ZNF627: variants seen among roughly 807,000 people sequenced by gnomAD.
The protein encoded by ZNF627 is zinc finger protein 627.
Under a neutral mutation model 10.6 loss-of-function variants are expected in ZNF627, and 12 were observed. The observed-to-expected ratio is 1.13, with a 90% CI of 0.73 to 1.84. The LOEUF (loss-of-function observed/expected upper bound fraction) is 1.84. Among genes scored for constraint, ZNF627 ranks in the 40% most tolerant of loss-of-function variants. The pLI, the probability that ZNF627 is intolerant of heterozygous loss-of-function variation, is 0.00. For missense variants in ZNF627, 504 were observed against 568.4 expected (o/e 0.89, Z 1.15); for synonymous variants, 176 against 187.1 (o/e 0.94, Z 0.48).
intron 3 of ZNF627, among the ~76,000 whole-genome samples, chr19:11,616,029 TTTTC>T (rs1277993695): frequency 6.0e-5 from 9 of 149,744 alleles, no homozygotes; most frequent in South Asian, 4.2e-4. Context: ...ATGAATATCA[TTTTC>T]TTTCTTTCTT....
Position 11,616,980 on chromosome 19 carries a change from G to GA in ZNF627, c.478dup (p.Thr160AsnfsTer9). 6.2e-7 allele frequency: 1 copy of GA among 1,614,144 alleles called. No homozygotes were observed. The highest frequency in any genetic ancestry group is 8.5e-7 in the Non-Finnish European group (1 of 1,180,040). On this transcript the variant is annotated frameshift_variant, in exon 4 of 4. Coordinates refer to ENST00000361113, the MANE Select transcript of ZNF627 (RefSeq NM_145295.4). LOFTEE classifies it low-confidence loss of function (END_TRUNC). ...ATCGCTCTTTTCCAGTACGTGAAAG[G>GA]ACTCATCCTGGAGGAAAGCCCTATG...
chr19:11,606,185 CA>C (rs1234321328), intron 1 of ZNF627, among the ~76,000 whole-genome samples: 1 of 151,712 alleles, frequency 6.6e-6, no homozygotes, highest in Admixed American at 6.6e-5. Flanking sequence ...ATTAAAAATA[CA>C]AAAAATTAGG....
In ZNF627 at chr19:11,617,589, C is replaced by A; in HGVS notation, c.1086C>A (p.Pro362=). 2 of 1,613,112 alleles carry A rather than the reference C, an allele frequency of 1.2e-6. No homozygotes were observed. The highest frequency in any genetic ancestry group is 8.5e-7 in the Non-Finnish European group (1 of 1,179,718). ...IHERTHTGEK[P]YDCKQCGKAF... is the part of the protein sequence containing the mutation. ...AAAGGACCCACACTGGAGAGAAACC[C>A]TATGATTGTAAGCAATGTGGGAAAG... Residue 362 remains proline (P), a synonymous_variant, in exon 4 of 4, where the codon CCC becomes CCA. Transcript: ENST00000361113.
chr19:11,601,354 G>A (rs116737849), intron 1 of ZNF627, among the ~76,000 whole-genome samples: 11 of 151,310 alleles, frequency 7.3e-5, no homozygotes, highest in South Asian at 2.1e-4. Flanking sequence ...TATTTTTTTT[G>A]TGTGTGACAG....
At chr19:11,604,737 A>G (rs1269213518) in intron 1 of ZNF627, among the ~76,000 whole-genome samples, 1 of 152,192 alleles carries the variant, frequency 6.6e-6, no homozygotes, top group Non-Finnish European at 1.5e-5. Context: ...TGTCAAGGAA[A>G]AGTTTATTAA....
chr19:11,615,396 C>T (rs934083640), intron 3 of ZNF627, among the ~76,000 whole-genome samples: 2 of 150,106 alleles, frequency 1.3e-5, no homozygotes, highest in African/African-American at 2.4e-5. Flanking sequence ...GTCAGGAGAT[C>T]GAGACCATCC....
In ZNF627 at chr19:11,609,499, A is replaced by T. The variant is rs1373065022; in HGVS notation, c.4-5028A>T. 1.7e-3 allele frequency among the ~76,000 whole-genome samples: 41 copies of T among 24,764 alleles called. 1 individual carries two copies. The highest frequency in any genetic ancestry group is 4.3e-4 in the African/African-American group (2 of 4,696). The allele number at this position is 24,764 out of a possible 152,430, so 16.2% of individuals were successfully genotyped here. A position where few individuals can be genotyped will look rare whatever the true frequency, so the allele number is the denominator to read the frequency against. On this transcript the variant is annotated intron_variant, in intron 1 of 3. Transcript: ENST00000361113. ...TATATATATATATATATATATATAT[A>T]TATATATATATATATATATGTATTT... is the stretch of plus-strand genomic sequence containing the variant.
chr19:11,597,756 G>A, intron 1 of ZNF627, 126 bp downstream of exon 1: 1 of 1,067,632 alleles, frequency 9.4e-7, no homozygotes. Context: ...GAGTTCCCTC[G>A]GCCGCAAGGT....
In ZNF627 at chr19:11,617,499, T is replaced by C. The variant is rs1973895870; in HGVS notation, c.996T>C (p.Asn332=). The C allele has an allele frequency of 6.2e-7, 1 of 1,613,708 alleles. No individual in the cohort carries two copies. The highest frequency in any genetic ancestry group is 8.5e-7 in the Non-Finnish European group (1 of 1,179,984). The part of the protein sequence containing the change: ...VRRHMIKHTG[N]GPYKCKVCGK... ...GACACATGATAAAGCACACTGGCAA[T>C]GGACCTTATAAATGTAAGGTGTGTG... Residue 332 remains asparagine, a synonymous_variant, in exon 4 of 4, where the codon AAT becomes AAC. Transcript: ENST00000361113.
chr19:11,604,546 C>T (rs1323607476), intron 1 of ZNF627, among the ~76,000 whole-genome samples: 1 of 152,160 alleles, frequency 6.6e-6, no homozygotes, highest in East Asian at 1.9e-4. Context: ...GGACACCCTC[C>T]CCCTCCATGG....
Position 11,617,535 on chromosome 19 carries a change from T to G in ZNF627, c.1032T>G (p.Phe344Leu), listed in dbSNP as rs1309739269. The G allele has an allele frequency of 1.2e-6, 2 of 1,613,192 alleles. No homozygotes were observed. Among genetic ancestry groups the G allele is most frequent in the East Asian group, 2.2e-5 (1 of 44,834 alleles). The change falls in exon 4 of 4, where the codon TTT becomes TTG. Residue 344 changes from phenylalanine to leucine, a missense_variant. Physicochemically the swap from Phe to Leu is conservative, Grantham distance 22 (BLOSUM62 0). Coordinates refer to ENST00000361113, the MANE Select transcript of ZNF627 (RefSeq NM_145295.4). ...AATGTAAGGTGTGTGGGAAAGCCTT[T>G]GATTTCCCCAGTTCATTTCGAATCC... is the stretch of plus-strand genomic sequence containing the variant. Reference protein sequence around the residue: ...PYKCKVCGKAFDFPSSFRIHE... With the variant: ...PYKCKVCGKALDFPSSFRIHE...
chr19:11,609,471 T>TTATTTATATATATATA (rs1973729371), intron 1 of ZNF627, among the ~76,000 whole-genome samples: 1 of 54,016 alleles, frequency 1.9e-5, no homozygotes, highest in Non-Finnish European at 5.1e-5. Context: ...TTAAAAAATT[T>TTATTTATATATATATA]TATATATATA....
intron 1 of ZNF627, chr19:11,604,258 C>G (rs1244215896): frequency 2.0e-5 from 3 of 152,084 alleles, no homozygotes; most frequent in Admixed American, 2.0e-4. Flanking sequence ...GAACGACTTG[C>G]AAATCCTGTG....
chr19:11,614,877 A>G lies in ZNF627; in HGVS notation c.181A>G (p.Arg61Gly). The change falls in exon 3 of 4, where the codon AGA becomes GGA. Residue 61 changes from arginine to glycine, a missense_variant. Physicochemically the swap from Arg to Gly is moderately radical, Grantham distance 125 (BLOSUM62 -2). Coordinates refer to ENST00000361113, the MANE Select transcript of ZNF627 (RefSeq NM_145295.4). ...NIEDPFKIPR[R>G]NISHIPERLC... is the part of the protein sequence containing the mutation. ...TGAAGACCCATTCAAAATTCCCAGG[A>G]GAAATATAAGGTAATTTGCACTCAC... The G allele has an allele frequency of 1.2e-6, 2 of 1,606,396 alleles. No individual in the cohort carries two copies. Among genetic ancestry groups the G allele is most frequent in the Non-Finnish European group, 1.7e-6 (2 of 1,177,474 alleles).
rs190840086 is a variant in ZNF627, at chr19:11,606,081, C to T, written c.4-8446C>T. ...CCTTGGCCAGGCGCGGTGGCTCACA[C>T]CTGTAATCCCAGCACTTTGGGAGGC... On this transcript the variant is annotated intron_variant, in intron 1 of 3. Coordinates refer to ENST00000361113, the MANE Select transcript of ZNF627 (RefSeq NM_145295.4). Among the ~76,000 whole-genome samples, 219 of 152,220 alleles carry T rather than the reference C, an allele frequency of 1.4e-3. 1 individual carries two copies. The highest frequency in any genetic ancestry group is 3.2e-3 in the Admixed American group (49 of 15,284).
intron 1 of ZNF627, 138 bp from the exon 2 acceptor site, chr19:11,614,389 G>A (rs1973830121): frequency 7.3e-7 from 1 of 1,370,316 alleles, no homozygotes; most frequent in Non-Finnish European, 1.0e-6. Flanking sequence ...TCTAGACAGA[G>A]GGTAAGTTTG....
rs201630792 is a variant in ZNF627, at chr19:11,614,778, T to A, written c.131-49T>A. On this transcript the variant is annotated intron_variant, in intron 2 of 3. Coordinates refer to ENST00000361113, the MANE Select transcript of ZNF627 (RefSeq NM_145295.4). ...ATGAATATAGAATCTAATACTTTTT[T>A]CATAATTTTATACTAATTCATAATG... 1.4e-5 allele frequency: 22 copies of A among 1,587,770 alleles called. No homozygotes were observed. The East Asian group carries it at 4.7e-4, about 34-fold the overall frequency.
chr19:11,600,626 T>G (rs1031064355), intron 1 of ZNF627, among the ~76,000 whole-genome samples: 3 of 152,018 alleles, frequency 2.0e-5, no homozygotes, highest in Non-Finnish European at 2.9e-5. Flanking sequence ...ATGAATACAT[T>G]TCCACAAGTA....
intron 1 of ZNF627, among the ~76,000 whole-genome samples, chr19:11,607,839 C>T (rs549727488): frequency 1.3e-5 from 2 of 152,238 alleles, no homozygotes; most frequent in Admixed American, 6.5e-5. Flanking sequence ...TGTCTTCTTC[C>T]GAGTCCTCCA....
Sources: allele counts gnomAD v4.1 joint callset (sites outside exome capture counted in the v4.1 genomes callset), GRCh38; gene constraint gnomAD v4.1.1; transcripts MANE v1.5; gene names NCBI Gene and HGNC (gene_info 2026-07-23, HGNC 2026-07-21).